Variants in S100Z observed in about 807,000 individuals in gnomAD.
S100Z encodes S100 calcium binding protein Z.
Under a neutral mutation model 8.5 loss-of-function variants are expected in S100Z, and 11 were observed. The observed-to-expected ratio is 1.30, with a 90% CI of 0.82 to 2.15. The LOEUF (loss-of-function observed/expected upper bound fraction) is 2.15. Among genes scored for constraint, S100Z ranks in the 30% most tolerant of loss-of-function variants. The pLI is 0.00. For missense variants in S100Z, 126 were observed against 117.9 expected, an observed-to-expected ratio of 1.07 and a Z score of -0.32; for synonymous variants, 34 against 43.8, an observed-to-expected ratio of 0.78 and a Z score of 0.89.
At chr5:76,946,760 ATATAT>A in the S100Z span, among the ~76,000 whole-genome samples, 3 of 152,158 alleles carry the variant, frequency 2.0e-5, no homozygotes, top group Non-Finnish European at 4.4e-5. Context: ...TATGTATTAT[ATATAT>A]TATAATATTT....
At chr5:76,855,780 G>T (rs1750864844) in intron 1 of S100Z, among the ~76,000 whole-genome samples, 1 of 152,176 alleles carries the variant, frequency 6.6e-6, no homozygotes. Flanking sequence ...AGGGATGATT[G>T]TATTTTGCAG....
At chr5:76,916,917 G>A (rs942893016) in intron 4 of S100Z, among the ~76,000 whole-genome samples, 8 of 152,080 alleles carry the variant, frequency 5.3e-5, no homozygotes, top group Non-Finnish European at 7.4e-5. Flanking sequence ...TGTGAGGTTA[G>A]GAGTTCGAGA....
chr5:76,936,846 T>C, the S100Z span, among the ~76,000 whole-genome samples: 1 of 152,020 alleles, frequency 6.6e-6, no homozygotes, highest in Admixed American at 6.6e-5. Context: ...GCAAGGGCAC[T>C]GAAAGAAGGA....
chr5:76,890,816 T>C (rs1743831582), intron 4 of S100Z, among the ~76,000 whole-genome samples: 1 of 152,212 alleles, frequency 6.6e-6, no homozygotes, highest in African/African-American at 2.4e-5. Flanking sequence ...TTGAAATTTA[T>C]CCTCCATATT....
intron 4 of S100Z, among the ~76,000 whole-genome samples, chr5:76,919,470 C>A (rs1487343588): frequency 6.6e-6 from 1 of 151,970 alleles, no homozygotes; most frequent in Non-Finnish European, 1.5e-5. Flanking sequence ...TATATACTTG[C>A]CATCTTTGTA....
intron 1 of S100Z, among the ~76,000 whole-genome samples, chr5:76,863,151 C>G (rs1326892581): frequency 2.0e-5 from 3 of 152,186 alleles, no homozygotes; most frequent in Non-Finnish European, 4.4e-5. Context: ...GGTGAATTAT[C>G]TAAACCTGTT....
At chr5:76,928,943 T>C in the S100Z span, among the ~76,000 whole-genome samples, 1 of 152,266 alleles carries the variant, frequency 6.6e-6, no homozygotes, top group Non-Finnish European at 1.5e-5. Flanking sequence ...GGTCTCACTA[T>C]GTTGCCTAGG....
intron 2 of S100Z, among the ~76,000 whole-genome samples, chr5:76,870,606 AT>A (rs560316612): frequency 0.015 from 2,210 of 148,848 alleles, 65 homozygotes; most frequent in African/African-American, 0.051. Context: ...TAAAAGCTTG[AT>A]TTTTTTTTTT....
intron 4 of S100Z, among the ~76,000 whole-genome samples, chr5:76,898,933 C>CTTTTTTTTTTTTTTTTTTTTTTTT (rs56287065): frequency 9.1e-6 from 1 of 109,958 alleles, no homozygotes. Context: ...CTTTTCTTTT[C>CTTTTTTTTTTTTTTTTTTTTTTTT]TTTTTTTTTT....
intron 4 of S100Z, among the ~76,000 whole-genome samples, chr5:76,885,874 G>C (rs1743606683): frequency 1.3e-5 from 2 of 149,294 alleles, no homozygotes; most frequent in South Asian, 4.3e-4. Flanking sequence ...CCCCAGAAAA[G>C]TGGAGAGAAA....
At chr5:76,872,382 C>T (rs1427613749) in intron 2 of S100Z, among the ~76,000 whole-genome samples, 2 of 152,014 alleles carry the variant, frequency 1.3e-5, no homozygotes, top group Non-Finnish European at 2.9e-5. Context: ...TTCACAGAGA[C>T]AATGTAAGGT....
intron 3 of S100Z, among the ~76,000 whole-genome samples, chr5:76,876,239 CAT>C (rs1294422634): frequency 6.6e-5 from 10 of 152,178 alleles, no homozygotes; most frequent in Non-Finnish European, 1.2e-4. Context: ...AATTACAACA[CAT>C]GTTTCTCCCC....
intron 4 of S100Z, among the ~76,000 whole-genome samples, chr5:76,914,612 C>T (rs1036266136): frequency 3.9e-5 from 6 of 152,052 alleles, no homozygotes; most frequent in Admixed American, 2.0e-4. Context: ...TCACACTTAC[C>T]GTGAAGGTCT....
rs954979564 is a variant in S100Z at position 76,890,831 on chromosome 5, G to A, written c.*2+12997G>A. 3.9e-5 allele frequency among the ~76,000 whole-genome samples: 6 copies of A among 152,194 alleles called. No homozygotes were observed. In the South Asian group the frequency reaches 1.2e-3, roughly 32 times the overall value. On this transcript the variant is annotated intron_variant, in intron 4 of 4. Transcript: ENST00000317593. The stretch of plus-strand genomic sequence containing the variant: ...TTGAAATTTATCCTCCATATTATGG[G>A]AAGCCATTATAGGATTTTTCAGTTT...
chr5:76,863,705 AT>A (rs1363288385), intron 1 of S100Z, among the ~76,000 whole-genome samples: 1 of 151,476 alleles, frequency 6.6e-6, no homozygotes, highest in East Asian at 1.9e-4. Context: ...CACCCAGCTA[AT>A]TTTTTGTATT....
At chr5:76,894,973 A>G (rs1191884060) in intron 4 of S100Z, among the ~76,000 whole-genome samples, 1 of 152,142 alleles carries the variant, frequency 6.6e-6, no homozygotes, top group African/African-American at 2.4e-5. Context: ...TATTTTTAGT[A>G]GAGAATTCCC....
chr5:76,931,225 G>A, the S100Z span, among the ~76,000 whole-genome samples: 2 of 151,960 alleles, frequency 1.3e-5, no homozygotes, highest in African/African-American at 4.8e-5. Context: ...TTCCGCCTCA[G>A]CCTCCCGAGT....
chr5:76,885,260 A>T (rs1286213562), intron 4 of S100Z, among the ~76,000 whole-genome samples: 1 of 152,150 alleles, frequency 6.6e-6, no homozygotes, highest in Non-Finnish European at 1.5e-5. Context: ...TTTAAAGAGA[A>T]GGGTAGAGAC....
At chr5:76,926,661 A>G in the S100Z span, among the ~76,000 whole-genome samples, 626 of 152,324 alleles carry the variant, frequency 4.1e-3, 2 homozygotes, top group Non-Finnish European at 6.7e-3. Flanking sequence ...CAGGAAAAGA[A>G]CCAAGCAGGT....
Sources: gnomAD v4.1 joint callset for allele counts (sites outside exome capture counted in the v4.1 genomes callset) on GRCh38, gnomAD v4.1.1 for gene constraint, MANE v1.5 for transcripts, NCBI Gene and HGNC (gene_info 2026-07-23, HGNC 2026-07-21) for gene names.